The following AGPAT3 variants were observed in gnomAD, a reference collection of about 807,000 sequenced individuals.
AGPAT3 encodes the protein 1-acylglycerol-3-phosphate O-acyltransferase 3.
In AGPAT3, 5 loss-of-function variants were observed where a neutral mutation model predicts 47.3. That is an observed-to-expected ratio of 0.11 (90% confidence interval 0.06 to 0.22). The LOEUF is 0.22. Among genes scored for constraint, AGPAT3 ranks in the 10% least tolerant of loss-of-function variants. The pLI, the probability that AGPAT3 is intolerant of heterozygous loss-of-function variation, is 1.00. For synonymous variants in AGPAT3, 212 were observed against 208.3 expected (o/e 1.02, Z -0.15); for missense variants, 315 against 493.0 (o/e 0.64, Z 3.42).
chr21:43,888,003 T>C (rs2086019041), intron 1 of AGPAT3, among the ~76,000 whole-genome samples: 1 of 152,220 alleles, frequency 6.6e-6, no homozygotes, highest in Non-Finnish European at 1.5e-5. Flanking sequence ...ATACAAACTT[T>C]TCATTTAAAA....
chr21:43,971,564 G>A (rs1380286937), intron 7 of AGPAT3, 74 bp downstream of exon 7: 5 of 1,450,226 alleles, frequency 3.4e-6, no homozygotes, highest in African/African-American at 1.4e-5. Flanking sequence ...AGGCCAGGAG[G>A]GTGGCTGGGT....
intron 2 of AGPAT3, among the ~76,000 whole-genome samples, chr21:43,950,323 A>G (rs2088130963): frequency 6.6e-6 from 1 of 152,218 alleles, no homozygotes; most frequent in Admixed American, 6.5e-5. Flanking sequence ...TCCTCCTGCC[A>G]GACTTTTAGT....
chr21:43,967,917 C>A lies in AGPAT3; in HGVS notation c.179-29C>A, dbSNP rs1323319311. The A allele has an allele frequency of 2.5e-6, 4 of 1,606,822 alleles. No individual in the cohort carries two copies. The African/African-American group carries it at 4.0e-5, about 16-fold the overall frequency. ...ACCATCCCAGGAGGAGGGGTCCTAC[C>A]AGTGCCAACGCCCTCCCCCTGTCCG... On this transcript the variant is annotated intron_variant, in intron 3 of 9. Transcript: ENST00000291572.
chr21:43,904,162 A>G (rs569821174), intron 2 of AGPAT3, 143 bp downstream of exon 2: 2 of 152,826 alleles, frequency 1.3e-5, no homozygotes, highest in Non-Finnish European at 2.9e-5. Flanking sequence ...AATTTTTCTT[A>G]AAGGTATATA....
At chr21:43,909,665 A>C (rs2086587310) in intron 2 of AGPAT3, among the ~76,000 whole-genome samples, 2 of 152,058 alleles carry the variant, frequency 1.3e-5, no homozygotes, top group Admixed American at 1.3e-4. Context: ...AGGTATCCCG[A>C]CGGTGCTGTT....
intron 1 of AGPAT3, among the ~76,000 whole-genome samples, chr21:43,895,414 T>C (rs1273956728): frequency 2.6e-5 from 4 of 152,076 alleles, no homozygotes; most frequent in Non-Finnish European, 4.4e-5. Flanking sequence ...CAGCCTGTTA[T>C]CAGCATTTTA....
rs190159780 is a variant in AGPAT3 at position 43,896,976 on chromosome 21, T to C, written c.-111-6981T>C. On this transcript the variant is annotated intron_variant, in intron 1 of 9. Coordinates refer to ENST00000291572, the MANE Select transcript of AGPAT3 (RefSeq NM_020132.5). ...TTTTTTTTTTTTTTTTTTCAGTATT[T>C]ATTGATCATTCTTGGGTGTTTCTTG... is the stretch of plus-strand genomic sequence containing the variant. Among the ~76,000 whole-genome samples the C allele has an allele frequency of 7.2e-3, 1,061 of 147,882 alleles. 8 individuals are homozygous for C. The highest frequency in any genetic ancestry group is 0.011 in the Non-Finnish European group (768 of 66,950).
rs192089436 is a variant in AGPAT3 at position 43,955,621 on chromosome 21, C to T, written c.-48-4013C>T. Among the ~76,000 whole-genome samples the T allele has an allele frequency of 1.3e-5, 2 of 152,012 alleles. No individual in the cohort carries two copies. Among genetic ancestry groups the T allele is most frequent in the East Asian group, 2.0e-4 (1 of 5,038 alleles). On this transcript the variant is annotated intron_variant, in intron 2 of 9. Transcript: ENST00000291572. The surrounding 1 kb of genome is among the most constrained non-coding windows in gnomAD (Gnocchi z 4.1). ...GAATCTGATTTTTAAAAATAAACGT[C>T]ATGACTGGGTGCGGTGGCTCACACC...
intron 1 of AGPAT3, among the ~76,000 whole-genome samples, chr21:43,887,162 T>C (rs2085997433): frequency 6.6e-6 from 1 of 152,242 alleles, no homozygotes; most frequent in South Asian, 2.1e-4. Flanking sequence ...TTCTCTGTTT[T>C]TGCAGGTGAA....
At chr21:43,877,241 C>T (rs1395921992) in intron 1 of AGPAT3, among the ~76,000 whole-genome samples, 1 of 152,206 alleles carries the variant, frequency 6.6e-6, no homozygotes, top group Non-Finnish European at 1.5e-5. Flanking sequence ...GTCACCCATC[C>T]CACCTGAGAT....
intron 1 of AGPAT3, among the ~76,000 whole-genome samples, chr21:43,901,682 G>GA (rs2086361217): frequency 6.6e-6 from 1 of 151,946 alleles, no homozygotes; most frequent in Admixed American, 6.6e-5. Flanking sequence ...GCTGAGGTAG[G>GA]AGGATGGCTT....
In AGPAT3 at chr21:43,940,413, G is replaced by A. The variant is rs542476289; in HGVS notation, c.-48-19221G>A. ...TCCCCTCCTCTTCCAGCCCTGGACC[G>A]TTCTCTGCATGTCAACAAACCCTGC... On this transcript the variant is annotated intron_variant, in intron 2 of 9. Coordinates refer to ENST00000291572, the MANE Select transcript of AGPAT3 (RefSeq NM_020132.5). 3.3e-5 allele frequency among the ~76,000 whole-genome samples: 5 copies of A among 152,302 alleles called. 1 individual carries two copies. Among genetic ancestry groups the A allele is most frequent in the African/African-American group, 1.2e-4 (5 of 41,568 alleles).
Position 43,981,447 on chromosome 21 carries a change from G to T in AGPAT3, c.1042+260G>T, listed in dbSNP as rs527866830. On this transcript the variant is annotated intron_variant, in intron 9 of 9. Coordinates refer to ENST00000291572, the MANE Select transcript of AGPAT3 (RefSeq NM_020132.5). This position sits in a 1 kb window ranked among gnomAD's most constrained non-coding sequence, Gnocchi z 5.3. ...TGCAGCCCCACTGGCTGGCGCCCTT[G>T]AGGATGCCGACGAGAGGGTCCCCGA... 6 of 550,952 alleles carry T rather than the reference G, an allele frequency of 1.1e-5. No individual in the cohort carries two copies. The South Asian group carries it at 1.3e-4, about 12-fold the overall frequency. 34.1% of individuals were successfully genotyped at this position (550,952 alleles called of 1,614,324 possible). A position where few individuals can be genotyped will look rare whatever the true frequency, so the allele number is the denominator to read the frequency against.
rs544652220 is a variant in AGPAT3, at chr21:43,972,585, G to A, written c.767+1095G>A. On this transcript the variant is annotated intron_variant, in intron 7 of 9. Coordinates refer to ENST00000291572, the MANE Select transcript of AGPAT3 (RefSeq NM_020132.5). ...GGGGCTTGCTCTGCAGGGTACCAGC[G>A]GCTTTCCTTGGGGCAGTGTGTCTCT... Among the ~76,000 whole-genome samples the A allele has an allele frequency of 8.5e-5, 13 of 152,280 alleles. No individual in the cohort carries two copies. In the South Asian group the frequency reaches 1.7e-3, roughly 19 times the overall value.
At position 43,922,504 on chromosome 21, in the gene AGPAT3, G is replaced by A. The variant is rs2086921715; in HGVS notation, c.-49+18485G>A. ...GACCCTCCTTAACCCCACCCTCAAG[G>A]CAGGCAGCACGTGGAGGAGAGTGTC... On this transcript the variant is annotated intron_variant, in intron 2 of 9. Coordinates refer to ENST00000291572, the MANE Select transcript of AGPAT3 (RefSeq NM_020132.5). The surrounding 1 kb of genome is among the most constrained non-coding windows in gnomAD (Gnocchi z 4.9). Among the ~76,000 whole-genome samples, 1 of 152,154 alleles carries A rather than the reference G, an allele frequency of 6.6e-6. No individual in the cohort carries two copies. The highest frequency in any genetic ancestry group is 6.5e-5 in the Admixed American group (1 of 15,280).
In AGPAT3 at chr21:43,901,394, C is replaced by G. The variant is rs2146007047; in HGVS notation, c.-111-2563C>G. Among the ~76,000 whole-genome samples the G allele has an allele frequency of 2.0e-5, 3 of 150,828 alleles. 1 individual carries two copies. ...ATATCTATCCAGATGATAGAGCTAG[C>G]AGGCAAGCATGTTAAGATGGCATTG... On this transcript the variant is annotated intron_variant, in intron 1 of 9. Transcript: ENST00000291572.
rs761507420 is a variant in AGPAT3, at chr21:43,982,268, C to T, written c.1043-36C>T. 19 of 1,539,124 alleles carry T rather than the reference C, an allele frequency of 1.2e-5. No individual in the cohort carries two copies. Among genetic ancestry groups the T allele is most frequent in the South Asian group, 9.1e-5 (8 of 87,920 alleles). ...TTTACAGCAAAAAGGCAAAGTCATCCGTCTCACCTCTTCTCTCTCTCTCCT... is the reference window on the plus strand; with the variant it reads ...TTTACAGCAAAAAGGCAAAGTCATCTGTCTCACCTCTTCTCTCTCTCTCCT... On this transcript the variant is annotated intron_variant, in intron 9 of 9. Coordinates refer to ENST00000291572, the MANE Select transcript of AGPAT3 (RefSeq NM_020132.5). This position sits in a 1 kb window ranked among gnomAD's most constrained non-coding sequence, Gnocchi z 6.2.
chr21:43,883,478 T>C (rs2085899345), intron 1 of AGPAT3, among the ~76,000 whole-genome samples: 1 of 152,226 alleles, frequency 6.6e-6, no homozygotes, highest in Non-Finnish European at 1.5e-5. Context: ...CCGGGAGCCA[T>C]TTCTGTTCCT....
intron 2 of AGPAT3, among the ~76,000 whole-genome samples, chr21:43,909,357 G>T (rs576528405): frequency 2.1e-4 from 31 of 148,602 alleles, no homozygotes; most frequent in Non-Finnish European, 3.7e-4. Context: ...GTGTGGTGGC[G>T]TGATCTCGGC....
Sources: gnomAD v4.1 joint callset for allele counts (sites outside exome capture counted in the v4.1 genomes callset) on GRCh38, gnomAD v4.1.1 for gene constraint, Gnocchi (gnomAD v3.1) non-coding constraint, MANE v1.5 for transcripts, NCBI Gene and HGNC (gene_info 2026-07-23, HGNC 2026-07-21) for gene names.